The following HECW1 variants were observed in gnomAD, a reference collection of about 807,000 sequenced individuals.
HECW1 encodes the protein E3 ubiquitin-protein ligase HECW1.
A neutral mutation model predicts 182.3 loss-of-function variants in HECW1; 61 were observed. That is an observed-to-expected ratio of 0.33 (90% CI 0.27 to 0.41). The LOEUF (loss-of-function observed/expected upper bound fraction) is 0.41, where lower values mean the gene tolerates loss of function less well. Among genes scored for constraint, HECW1 ranks in the 10% least tolerant of loss-of-function variants. The pLI is 1.00. For synonymous variants in HECW1, 859 were observed against 832.6 expected (o/e 1.03, Z -0.55); for missense variants, 1,739 against 2,108.9 (o/e 0.82, Z 3.44).
chr7:43,389,106 A>G (rs1400062137), intron 6 of HECW1, among the ~76,000 whole-genome samples: 1 of 152,224 alleles, frequency 6.6e-6, no homozygotes, highest in African/African-American at 2.4e-5. Flanking sequence ...GCCAGAATCT[A>G]ATTCTCACGC....
At chr7:43,524,979 A>G (rs1189204666) in intron 24 of HECW1, among the ~76,000 whole-genome samples, 2 of 152,258 alleles carry the variant, frequency 1.3e-5, no homozygotes, top group Admixed American at 6.5e-5. Context: ...TAACTTGAGC[A>G]GACTCTTTAC....
At chr7:43,410,005 G>A (rs187932558) in intron 8 of HECW1, among the ~76,000 whole-genome samples, 60 of 152,290 alleles carry the variant, frequency 3.9e-4, no homozygotes, top group Admixed American at 3.2e-3. Context: ...TGATCCAGGC[G>A]GTGCCGCTGC....
chr7:43,191,435 A>T (rs913447427), intron 2 of HECW1, among the ~76,000 whole-genome samples: 1 of 152,360 alleles, frequency 6.6e-6, no homozygotes, highest in Admixed American at 6.5e-5. Context: ...GAATGGGGAC[A>T]TGCGAGGTGT....
At chr7:43,544,076 G>A (rs2081466380) in intron 26 of HECW1, among the ~76,000 whole-genome samples, 1 of 151,684 alleles carries the variant, frequency 6.6e-6, no homozygotes, top group South Asian at 2.1e-4. Flanking sequence ...TTTTAAAAAA[G>A]GAAAAAAGAG....
intron 3 of HECW1, among the ~76,000 whole-genome samples, chr7:43,296,980 G>T (rs1270469042): frequency 6.6e-6 from 1 of 152,226 alleles, no homozygotes; most frequent in Non-Finnish European, 1.5e-5. Context: ...GCCTCCTTCT[G>T]AGTGCTTGCC....
chr7:43,313,689 C>T (rs931411277), intron 4 of HECW1, among the ~76,000 whole-genome samples: 23 of 152,206 alleles, frequency 1.5e-4, no homozygotes, highest in African/African-American at 5.5e-4. Context: ...TGATTATCCA[C>T]ACTTAAAATG....
intron 2 of HECW1, among the ~76,000 whole-genome samples, chr7:43,214,363 A>G (rs1440851050): frequency 6.6e-6 from 1 of 152,172 alleles, no homozygotes; most frequent in Admixed American, 6.5e-5. Flanking sequence ...AACTAGAGTA[A>G]TATAAATATC....
intron 6 of HECW1, among the ~76,000 whole-genome samples, chr7:43,396,061 T>G (rs1433497260): frequency 1.3e-5 from 2 of 152,194 alleles, no homozygotes; most frequent in East Asian, 3.9e-4. Flanking sequence ...ATACAACACA[T>G]GCAAAGGCAA....
At chr7:43,475,769 C>A (rs1245651781) in intron 16 of HECW1, among the ~76,000 whole-genome samples, 2 of 152,036 alleles carry the variant, frequency 1.3e-5, no homozygotes, top group Non-Finnish European at 2.9e-5. Flanking sequence ...CGCCATGTTG[C>A]CCAGGCTAGT....
At chr7:43,527,209 A>G (rs2080793793) in intron 24 of HECW1, among the ~76,000 whole-genome samples, 1 of 152,178 alleles carries the variant, frequency 6.6e-6, no homozygotes, top group South Asian at 2.1e-4. Context: ...GCTGAGTGAA[A>G]GGTGTTCTGG....
chr7:43,238,773 A>G (rs1047582762), intron 2 of HECW1, among the ~76,000 whole-genome samples: 1 of 152,184 alleles, frequency 6.6e-6, no homozygotes, highest in Non-Finnish European at 1.5e-5. Flanking sequence ...AGCCTGGACT[A>G]TTTGTCAAAG....
At chr7:43,318,756 A>G (rs1038017156) in intron 4 of HECW1, among the ~76,000 whole-genome samples, 1 of 152,248 alleles carries the variant, frequency 6.6e-6, no homozygotes, top group African/African-American at 2.4e-5. Context: ...GCAGGGTGTC[A>G]GGAGAGAAAA....
chr7:43,473,761 A>G (rs887223636), intron 16 of HECW1, among the ~76,000 whole-genome samples: 1 of 152,212 alleles, frequency 6.6e-6, no homozygotes, highest in Non-Finnish European at 1.5e-5. Flanking sequence ...CAAGCTTAAA[A>G]GGCAACTGTT....
chr7:43,545,395 C>T (rs187726639), intron 26 of HECW1, among the ~76,000 whole-genome samples: 125 of 152,158 alleles, frequency 8.2e-4, no homozygotes, highest in African/African-American at 2.9e-3. Context: ...TGTAGGAATT[C>T]GACAACTTAG....
chr7:43,176,885 G>A (rs1215938392), intron 2 of HECW1, among the ~76,000 whole-genome samples: 2 of 152,160 alleles, frequency 1.3e-5, no homozygotes, highest in African/African-American at 4.8e-5. Context: ...TTTGTCTAAA[G>A]GCCACCTGCA....
intron 2 of HECW1, among the ~76,000 whole-genome samples, chr7:43,220,148 G>C (rs186958863): frequency 6.6e-6 from 1 of 152,310 alleles, no homozygotes; most frequent in African/African-American, 2.4e-5. Context: ...TAATTTACTA[G>C]AATAACTTTC....
rs551044168 is a variant in HECW1 at position 43,346,549 on chromosome 7, G to T, written c.461-14337G>T. On this transcript the variant is annotated intron_variant, in intron 5 of 29. Coordinates refer to ENST00000395891, the MANE Select transcript of HECW1 (RefSeq NM_015052.5). ...TTATTGCATTTGCTTTTGGGTTCTTGGTCGTGAAATCCTTGCCTAAGCCAA... is the reference window on the plus strand; with the variant it reads ...TTATTGCATTTGCTTTTGGGTTCTTTGTCGTGAAATCCTTGCCTAAGCCAA... 2.1e-3 allele frequency among the ~76,000 whole-genome samples: 320 copies of T among 152,140 alleles called. 1 individual carries two copies. The highest frequency in any genetic ancestry group is 7.3e-3 in the African/African-American group (303 of 41,526).
chr7:43,213,647 G>A (rs1341576658), intron 2 of HECW1, among the ~76,000 whole-genome samples: 2 of 151,684 alleles, frequency 1.3e-5, no homozygotes, highest in African/African-American at 2.4e-5. Context: ...GGGTTTCACC[G>A]TGTTAGCCAG....
At chr7:43,354,569 G>T (rs1814871997) in intron 5 of HECW1, among the ~76,000 whole-genome samples, 1 of 152,030 alleles carries the variant, frequency 6.6e-6, no homozygotes, top group Non-Finnish European at 1.5e-5. Context: ...ACAGAGAAAA[G>T]AATCAGTGAG....
Sources: gnomAD v4.1 joint callset for allele counts (sites outside exome capture counted in the v4.1 genomes callset) on GRCh38, gnomAD v4.1.1 for gene constraint, MANE v1.5 for transcripts, NCBI Gene and HGNC (gene_info 2026-07-23, HGNC 2026-07-21) for gene names.